The following ELF1 variants were observed in gnomAD, a reference collection of about 807,000 sequenced individuals.
ELF1 encodes the protein E74 like ETS transcription factor 1.
In ELF1, 24 loss-of-function variants were observed where a neutral mutation model predicts 59.9. That is an observed-to-expected ratio of 0.40 (90% confidence interval 0.29 to 0.56). The LOEUF is 0.56. Among genes scored for constraint, ELF1 ranks in the 20% least tolerant of loss-of-function variants. ELF1 has a pLI of 0.44. For synonymous variants in ELF1, 248 were observed against 266.2 expected, an observed-to-expected ratio of 0.93 and a Z score of 0.67; for missense variants, 627 against 742.2, an observed-to-expected ratio of 0.84 and a Z score of 1.80.
At chr13:41,003,296 G>A (rs1566186385) in intron 1 of ELF1, among the ~76,000 whole-genome samples, 1 of 152,124 alleles carries the variant, frequency 6.6e-6, no homozygotes. Context: ...TTTTCCACAT[G>A]TCTACCTAAG....
chr13:40,972,347 C>T (rs1357244426), intron 2 of ELF1, among the ~76,000 whole-genome samples: 1 of 152,172 alleles, frequency 6.6e-6, no homozygotes, highest in African/African-American at 2.4e-5. Context: ...AAAATGCTCC[C>T]TTACGGCATA....
intron 1 of ELF1, among the ~76,000 whole-genome samples, chr13:40,986,902 C>T (rs927302951): frequency 9.4e-5 from 14 of 148,948 alleles, no homozygotes; most frequent in Admixed American, 8.7e-4. Flanking sequence ...ATTAAACCCA[C>T]GAATTCATAA....
At chr13:40,982,364 C>T (rs1873322789) in intron 1 of ELF1, 82 bp from the exon 2 acceptor site, 3 of 944,196 alleles carry the variant, frequency 3.2e-6, no homozygotes, top group East Asian at 6.5e-5. Context: ...GGCAGTATCG[C>T]TAAAGCATTT....
intron 1 of ELF1, among the ~76,000 whole-genome samples, chr13:41,044,511 G>T (rs1275586047): frequency 6.6e-6 from 1 of 152,182 alleles, no homozygotes; most frequent in Non-Finnish European, 1.5e-5. Flanking sequence ...AAGCGCTGTT[G>T]AATTTTGTCA....
intron 1 of ELF1, among the ~76,000 whole-genome samples, chr13:40,997,237 T>A (rs1362550715): frequency 6.6e-6 from 1 of 152,144 alleles, no homozygotes; most frequent in Non-Finnish European, 1.5e-5. Flanking sequence ...TCTACCTCTT[T>A]TCTTCTTCAT....
At chr13:40,986,168 C>T (rs2138285227) in intron 1 of ELF1, among the ~76,000 whole-genome samples, 1 of 152,282 alleles carries the variant, frequency 6.6e-6, no homozygotes. Flanking sequence ...AAAATAGTAA[C>T]ACAAAGCAGT....
At chr13:40,951,500 C>T in intron 3 of ELF1, 64 bp from the exon 4 acceptor site, 1 of 1,253,918 alleles carries the variant, frequency 8.0e-7, no homozygotes, top group East Asian at 2.3e-5. Context: ...GAAAGTCATA[C>T]ACCGCTTATC....
exon 1 of ELF1, chr13:41,061,300 C>T (rs1877611702): frequency 1.1e-5 from 4 of 355,670 alleles, no homozygotes; most frequent in Non-Finnish European, 2.1e-5. Context: ...TTTTGGGCCC[C>T]AGGGGAGGAC....
At chr13:40,995,991 A>C (rs562633232) in intron 1 of ELF1, among the ~76,000 whole-genome samples, 1 of 152,358 alleles carries the variant, frequency 6.6e-6, no homozygotes, top group African/African-American at 2.4e-5. Context: ...CAGAGAAAAT[A>C]GCCTGATTTT....
At chr13:41,040,408 A>G (rs1030480923) in intron 1 of ELF1, among the ~76,000 whole-genome samples, 1 of 152,208 alleles carries the variant, frequency 6.6e-6, no homozygotes, top group Non-Finnish European at 1.5e-5. Flanking sequence ...TAATACTTAT[A>G]TATGCATGAT....
At chr13:40,989,065 T>C (rs1449305595) in intron 1 of ELF1, among the ~76,000 whole-genome samples, 2 of 152,222 alleles carry the variant, frequency 1.3e-5, no homozygotes, top group Non-Finnish European at 2.9e-5. Context: ...CCCAAAGTGC[T>C]GGGATTACAG....
intron 2 of ELF1, among the ~76,000 whole-genome samples, chr13:40,960,015 T>C (rs1871716296): frequency 6.6e-6 from 1 of 152,210 alleles, no homozygotes. Context: ...CCTTCACCCA[T>C]ATTCCCTCAG....
intron 2 of ELF1, among the ~76,000 whole-genome samples, chr13:40,980,095 A>G (rs1873167211): frequency 6.6e-6 from 1 of 152,164 alleles, no homozygotes; most frequent in Non-Finnish European, 1.5e-5. Flanking sequence ...AAAACTCACC[A>G]AGAGTTGTAA....
intron 5 of ELF1, 90 bp downstream of exon 5, chr13:40,949,716 G>A: frequency 1.4e-6 from 2 of 1,401,820 alleles, no homozygotes; most frequent in Non-Finnish European, 1.9e-6. Context: ...AGTTTTAACT[G>A]CAGCAGGAAA....
intron 1 of ELF1, among the ~76,000 whole-genome samples, chr13:41,038,238 C>T (rs1484409047): frequency 6.6e-6 from 1 of 151,972 alleles, no homozygotes; most frequent in East Asian, 1.9e-4. Flanking sequence ...GTCTGTAATC[C>T]CAGCACTTTG....
At chr13:40,964,352 G>A (rs1872042176) in intron 2 of ELF1, among the ~76,000 whole-genome samples, 1 of 152,128 alleles carries the variant, frequency 6.6e-6, no homozygotes, top group Non-Finnish European at 1.5e-5. Context: ...TTTTCTCACA[G>A]TTCTGGAGGC....
At chr13:41,048,017 G>A (rs965360608) in intron 1 of ELF1, among the ~76,000 whole-genome samples, 3 of 152,202 alleles carry the variant, frequency 2.0e-5, no homozygotes, top group Non-Finnish European at 4.4e-5. Context: ...CTTGCAGTTC[G>A]ATCTCAGACT....
upstream of ELF1, among the ~76,000 whole-genome samples, chr13:41,021,930 T>C (rs1294079502): frequency 3.9e-5 from 6 of 152,154 alleles, no homozygotes; most frequent in Admixed American, 2.6e-4. Context: ...GATGAGAACA[T>C]GGAGCGACTA....
At chr13:40,966,675 T>C (rs961311318) in intron 2 of ELF1, among the ~76,000 whole-genome samples, 3 of 152,220 alleles carry the variant, frequency 2.0e-5, no homozygotes, top group African/African-American at 7.2e-5. Context: ...ATCAAGTTTT[T>C]GGGTATCAAA....
Sources: allele counts gnomAD v4.1 joint callset (sites outside exome capture counted in the v4.1 genomes callset), GRCh38; gene constraint gnomAD v4.1.1; transcripts MANE v1.5; gene names NCBI Gene and HGNC (gene_info 2026-07-23, HGNC 2026-07-21).